Variants in FNDC3A observed in about 807,000 individuals in gnomAD.
The protein encoded by FNDC3A is fibronectin type III domain containing 3A.
A neutral mutation model predicts 148.9 loss-of-function variants in FNDC3A; 32 were observed. The ratio of observed to expected loss-of-function variants is 0.21; its 90% CI spans 0.16 to 0.29. FNDC3A has a LOEUF of 0.29. Ranked by LOEUF, FNDC3A falls within the 10% of genes least tolerant of loss-of-function variation. The pLI, the probability that FNDC3A is intolerant of heterozygous loss-of-function variation, is 1.00. For synonymous variants in FNDC3A, 472 were observed against 473.6 expected, an observed-to-expected ratio of 1.00 and a Z score of 0.04; for missense variants, 1,191 against 1,452.8, an observed-to-expected ratio of 0.82 and a Z score of 2.93.
chr13:49,192,828 C>G (rs1032783470), intron 19 of FNDC3A, among the ~76,000 whole-genome samples: 1 of 152,110 alleles, frequency 6.6e-6, no homozygotes, highest in Non-Finnish European at 1.5e-5. Flanking sequence ...CTTTCTAAAG[C>G]TATTCCAGAT....
intron 1 of FNDC3A, among the ~76,000 whole-genome samples, chr13:49,001,085 A>T (rs1952116261): frequency 6.6e-6 from 1 of 152,120 alleles, no homozygotes. Flanking sequence ...GAGGGAAGTC[A>T]GGGACCCCGA....
At position 49,136,612 on chromosome 13, in the gene FNDC3A, G is replaced by T; in HGVS notation, c.760+11G>T. 6.2e-7 allele frequency: 1 copy of T among 1,609,808 alleles called. No individual in the cohort carries two copies. ...ATACAGAAATTGAAGGTAACTGTTT[G>T]AAGTACTGAACTGTTCTCATTGATG... On this transcript the variant is annotated intron_variant, in intron 6 of 25. Coordinates refer to ENST00000492622, the MANE Select transcript of FNDC3A (RefSeq NM_001079673.2).
chr13:49,073,138 A>G (rs1400432081), intron 2 of FNDC3A, among the ~76,000 whole-genome samples: 1 of 152,246 alleles, frequency 6.6e-6, no homozygotes, highest in Non-Finnish European at 1.5e-5. Flanking sequence ...GCAGTAGAAG[A>G]TAACACAAAG....
chr13:49,144,854 C>T (rs1882902755), intron 7 of FNDC3A, among the ~76,000 whole-genome samples: 1 of 152,134 alleles, frequency 6.6e-6, no homozygotes, highest in African/African-American at 2.4e-5. Context: ...GTATGTACTG[C>T]TTTCCAGCTT....
intron 8 of FNDC3A, among the ~76,000 whole-genome samples, chr13:49,152,788 G>C (rs971748529): frequency 3.3e-5 from 5 of 150,954 alleles, no homozygotes; most frequent in Non-Finnish European, 7.4e-5. Context: ...TTGTTCTTGC[G>C]ATAGTTTACT....
chr13:49,105,752 T>C (rs1051733956), intron 3 of FNDC3A, among the ~76,000 whole-genome samples: 3 of 152,220 alleles, frequency 2.0e-5, no homozygotes, highest in Admixed American at 6.5e-5. Flanking sequence ...ATGTAAGCAT[T>C]TCCACTGCCC....
intron 14 of FNDC3A, among the ~76,000 whole-genome samples, chr13:49,179,137 G>A (rs758219685): frequency 3.3e-5 from 5 of 151,972 alleles, no homozygotes; most frequent in Non-Finnish European, 7.4e-5. Flanking sequence ...GTTATATAGC[G>A]GTGCTTCTCA....
chr13:48,992,277 A>G (rs1951936644), intron 1 of FNDC3A, among the ~76,000 whole-genome samples: 1 of 152,362 alleles, frequency 6.6e-6, no homozygotes, highest in Admixed American at 6.5e-5. Context: ...AGCACCATTC[A>G]TAAAATGACA....
At chr13:49,159,311 A>G (rs1237801918) in intron 8 of FNDC3A, among the ~76,000 whole-genome samples, 1 of 152,134 alleles carries the variant, frequency 6.6e-6, no homozygotes, top group Non-Finnish European at 1.5e-5. Flanking sequence ...AGTGGTTTGT[A>G]GTTCTCCTTG....
chr13:49,011,845 C>G (rs1052259389), intron 2 of FNDC3A, among the ~76,000 whole-genome samples: 7 of 152,078 alleles, frequency 4.6e-5, no homozygotes. Flanking sequence ...TATACTGAGG[C>G]AATGAAAATA....
chr13:49,171,023 G>A (rs1356091857), intron 10 of FNDC3A, among the ~76,000 whole-genome samples: 1 of 151,998 alleles, frequency 6.6e-6, no homozygotes, highest in Non-Finnish European at 1.5e-5. Flanking sequence ...ATAAGAGCTG[G>A]AGTTTCCCAA....
chr13:49,107,946 G>A (rs1052920197), intron 3 of FNDC3A, among the ~76,000 whole-genome samples: 13 of 152,110 alleles, frequency 8.5e-5, no homozygotes, highest in Non-Finnish European at 1.8e-4. Context: ...GAAGTCAAAG[G>A]AAGACATGGA....
chr13:49,126,577 A>G lies in FNDC3A; in HGVS notation c.253-4560A>G, dbSNP rs578182286. Among the ~76,000 whole-genome samples, 15 of 152,310 alleles carry G rather than the reference A, an allele frequency of 9.8e-5. No individual in the cohort carries two copies. The South Asian group carries it at 2.9e-3, about 29-fold the overall frequency. On this transcript the variant is annotated intron_variant, in intron 4 of 25. Coordinates refer to ENST00000492622, the MANE Select transcript of FNDC3A (RefSeq NM_001079673.2). Reference sequence around the variant, plus strand: ...ATCAAATAAATATCTTGTCGTAAACAACAACAAAAAAGACACTAGAAGACC... The same window carrying G: ...ATCAAATAAATATCTTGTCGTAAACGACAACAAAAAAGACACTAGAAGACC...
At chr13:49,103,132 A>G (rs1365084445) in intron 3 of FNDC3A, among the ~76,000 whole-genome samples, 2 of 152,234 alleles carry the variant, frequency 1.3e-5, no homozygotes, top group African/African-American at 4.8e-5. Context: ...TCCAGTTTAC[A>G]TGTGAGAAAA....
At chr13:49,035,857 GTTA>G (rs1297470349) in intron 2 of FNDC3A, among the ~76,000 whole-genome samples, 1 of 152,078 alleles carries the variant, frequency 6.6e-6, no homozygotes, top group Non-Finnish European at 1.5e-5. Flanking sequence ...CTTAGGTTGA[GTTA>G]TTATCCATCA....
chr13:49,172,314 T>G (rs550608315), intron 11 of FNDC3A, among the ~76,000 whole-genome samples: 11 of 152,316 alleles, frequency 7.2e-5, no homozygotes, highest in Non-Finnish European at 1.6e-4. Flanking sequence ...ATTATTTAGG[T>G]AACTACCTTG....
chr13:49,203,692 T>C (rs999617166), intron 25 of FNDC3A, among the ~76,000 whole-genome samples: 1 of 152,182 alleles, frequency 6.6e-6, no homozygotes, highest in South Asian at 2.1e-4. Context: ...CTGAGTGTTA[T>C]TTCATTTGGG....
intron 23 of FNDC3A, among the ~76,000 whole-genome samples, chr13:49,199,606 G>T (rs969303782): frequency 3.3e-5 from 5 of 152,084 alleles, no homozygotes; most frequent in Non-Finnish European, 7.4e-5. Context: ...GATTACAGGC[G>T]TGAGCCACTG....
intron 3 of FNDC3A, among the ~76,000 whole-genome samples, chr13:49,078,394 T>C (rs1172482995): frequency 6.6e-6 from 1 of 152,234 alleles, no homozygotes; most frequent in Non-Finnish European, 1.5e-5. Context: ...AAGATATTTT[T>C]AGGCAGGGAC....
Sources: gnomAD v4.1 joint callset for allele counts (sites outside exome capture counted in the v4.1 genomes callset) on GRCh38, gnomAD v4.1.1 for gene constraint, MANE v1.5 for transcripts, NCBI Gene and HGNC (gene_info 2026-07-23, HGNC 2026-07-21) for gene names.